OTULIN: variants seen among roughly 807,000 people sequenced by gnomAD.
The protein encoded by OTULIN is OTU deubiquitinase with linear linkage specificity, also known as ubiquitin thioesterase otulin.
A neutral mutation model predicts 39.6 loss-of-function variants in OTULIN; 15 were observed. That is an observed-to-expected ratio of 0.38 (90% CI 0.25 to 0.58). The LOEUF (loss-of-function observed/expected upper bound fraction) is 0.58. OTULIN is among the 20% of genes least tolerant of loss of function. The pLI, the probability that OTULIN is intolerant of heterozygous loss-of-function variation, is 0.66. For synonymous variants in OTULIN, 156 were observed against 170.3 expected, an observed-to-expected ratio of 0.92 and a Z score of 0.65; for missense variants, 319 against 445.9, an observed-to-expected ratio of 0.72 and a Z score of 2.56.
At chr5:14,711,389 C>T in the OTULIN span, 6,686 of 1,298,620 alleles carry the variant, frequency 5.1e-3, 245 homozygotes, top group African/African-American at 0.086. Flanking sequence ...GGAGACAACA[C>T]CGGGGTCTTG....
At chr5:14,676,868 A>C (rs1009248747) in intron 2 of OTULIN, among the ~76,000 whole-genome samples, 1 of 152,170 alleles carries the variant, frequency 6.6e-6, no homozygotes, top group Non-Finnish European at 1.5e-5. Context: ...CTAAGTAGAC[A>C]TGCAAAAAAA....
the OTULIN span, chr5:14,712,844 G>A: frequency 3.1e-5 from 49 of 1,575,170 alleles, no homozygotes; most frequent in East Asian, 9.2e-5. Context: ...GGATGCACCC[G>A]GGAGGAGGCT....
At chr5:14,692,645 C>G (rs1301372740) in intron 6 of OTULIN, among the ~76,000 whole-genome samples, 1 of 147,338 alleles carries the variant, frequency 6.8e-6, no homozygotes, top group African/African-American at 2.5e-5. Flanking sequence ...ATACAGGATC[C>G]TTATCAGACA....
chr5:14,686,390 T>A (rs1487602964), intron 4 of OTULIN, among the ~76,000 whole-genome samples: 1 of 152,162 alleles, frequency 6.6e-6, no homozygotes, highest in African/African-American at 2.4e-5. Context: ...AACCTCAAAC[T>A]CCCGGGCTCA....
At chr5:14,715,761 A>G in the OTULIN span, among the ~76,000 whole-genome samples, 1 of 152,220 alleles carries the variant, frequency 6.6e-6, no homozygotes, top group African/African-American at 2.4e-5. Context: ...ATACTAATCA[A>G]CCATTCTGCA....
chr5:14,681,723 G>A, intron 4 of OTULIN, 116 bp downstream of exon 4: 1 of 1,221,958 alleles, frequency 8.2e-7, no homozygotes, highest in Non-Finnish European at 1.1e-6. Context: ...GTCAGCATGT[G>A]CGTTTATTCA....
intron 1 of OTULIN, among the ~76,000 whole-genome samples, chr5:14,671,434 T>C (rs961184532): frequency 6.6e-6 from 1 of 152,250 alleles, no homozygotes; most frequent in African/African-American, 2.4e-5. Context: ...CCTCTGATAA[T>C]GATACTATGA....
chr5:14,672,435 C>T (rs1195331223), intron 1 of OTULIN, among the ~76,000 whole-genome samples: 1 of 152,102 alleles, frequency 6.6e-6, no homozygotes, highest in Non-Finnish European at 1.5e-5. Context: ...TGTACTAGGC[C>T]ATATACCAGG....
At chr5:14,682,270 T>C (rs1355950485) in intron 4 of OTULIN, among the ~76,000 whole-genome samples, 1 of 152,168 alleles carries the variant, frequency 6.6e-6, no homozygotes, top group African/African-American at 2.4e-5. Context: ...GAGACAGCAA[T>C]ATACCCATAT....
chr5:14,687,569 C>G lies in OTULIN; in HGVS notation c.517C>G (p.Leu173Val), dbSNP rs757696939. 1.2e-6 allele frequency: 2 copies of G among 1,614,030 alleles called. No individual in the cohort carries two copies. Among genetic ancestry groups the G allele is most frequent in the South Asian group, 2.2e-5 (2 of 91,076 alleles). ...SKYNWIKQWK[L>V]GLKFDGKNED... ...ATACAACTGGATCAAGCAATGGAAA[C>G]TTGGACTGAAATTTGATGGGAAGAA... The change falls in exon 5 of 7, where the codon CTT (leucine) becomes GTT (valine). Residue 173 changes from leucine to valine, a missense_variant. By Grantham distance (32) the Leu-to-Val change is conservative. Coordinates refer to ENST00000284274, the MANE Select transcript of OTULIN (RefSeq NM_138348.6).
the OTULIN span, among the ~76,000 whole-genome samples, chr5:14,715,998 A>G: frequency 6.6e-6 from 1 of 151,724 alleles, no homozygotes; most frequent in Non-Finnish European, 1.5e-5. Context: ...CGCTCACTCT[A>G]TTTTTCTTTT....
intron 6 of OTULIN, 110 bp from the exon 7 acceptor site, chr5:14,692,744 G>T: frequency 2.5e-6 from 2 of 803,026 alleles, no homozygotes; most frequent in Non-Finnish European, 3.8e-6. Context: ...AGGAAAAAAC[G>T]TTGTGGCTTC....
At chr5:14,680,992 C>T (rs751141047) in intron 3 of OTULIN, among the ~76,000 whole-genome samples, 9 of 151,936 alleles carry the variant, frequency 5.9e-5, no homozygotes, top group South Asian at 2.1e-4. Flanking sequence ...CCCGGGAGGC[C>T]GAGGTTGCAG....
At chr5:14,707,229 A>G in the OTULIN span, 1 of 152,132 alleles carries the variant, frequency 6.6e-6, no homozygotes, top group African/African-American at 2.4e-5. Flanking sequence ...AGGAAATGTA[A>G]TTACAACACT....
At chr5:14,710,898 G>C in the OTULIN span, 22 of 402,062 alleles carry the variant, frequency 5.5e-5, no homozygotes, top group African/African-American at 4.3e-4. Context: ...CAGGGGAGGA[G>C]GACACAACGT....
chr5:14,680,285 A>G (rs1736212463), intron 3 of OTULIN, among the ~76,000 whole-genome samples: 1 of 152,174 alleles, frequency 6.6e-6, no homozygotes, highest in African/African-American at 2.4e-5. Context: ...AACCCTCAAA[A>G]TGTTGTTATT....
At chr5:14,672,548 G>A (rs1377804205) in intron 1 of OTULIN, among the ~76,000 whole-genome samples, 1 of 152,060 alleles carries the variant, frequency 6.6e-6, no homozygotes, top group Non-Finnish European at 1.5e-5. Context: ...CACTGGGTCT[G>A]CAGCCTTGTG....
intron 3 of OTULIN, among the ~76,000 whole-genome samples, chr5:14,679,134 C>T (rs1348747726): frequency 6.6e-6 from 1 of 152,210 alleles, no homozygotes; most frequent in East Asian, 1.9e-4. Context: ...GCCGATTCCA[C>T]ACTTCTGCTT....
the OTULIN span, among the ~76,000 whole-genome samples, chr5:14,716,165 G>A: frequency 6.6e-6 from 1 of 152,168 alleles, no homozygotes; most frequent in African/African-American, 2.4e-5. Flanking sequence ...ATCCTTTCAG[G>A]TCTACTTCCT....
Sources: gnomAD v4.1 joint callset for allele counts (sites outside exome capture counted in the v4.1 genomes callset) on GRCh38, gnomAD v4.1.1 for gene constraint, MANE v1.5 for transcripts, NCBI Gene and HGNC (gene_info 2026-07-23, HGNC 2026-07-21) for gene names.